The following GPR55 variants were observed in gnomAD, a reference collection of about 807,000 sequenced individuals.
GPR55 encodes the protein G-protein coupled receptor 55.
GPR55 carries 6 observed loss-of-function variants against 7.9 expected under a neutral mutation model. That is an observed-to-expected ratio of 0.76 (90% CI 0.41 to 1.49). The LOEUF is 1.49. GPR55 is among the 40% of genes most tolerant of loss of function. The probability of loss-of-function intolerance (pLI) is 0.01; values close to 1 mark genes in which losing one functional copy is unlikely to be tolerated. For missense variants in GPR55, 376 were observed against 406.0 expected (o/e 0.93, Z 0.63); for synonymous variants, 183 against 166.8 (o/e 1.10, Z -0.75).
chr2:230,916,667 G>T (rs1412517932), intron 1 of GPR55, among the ~76,000 whole-genome samples: 1 of 152,096 alleles, frequency 6.6e-6, no homozygotes, highest in East Asian at 1.9e-4. Flanking sequence ...CTGGGGTGAA[G>T]CAAAAGGCTC....
intron 1 of GPR55, among the ~76,000 whole-genome samples, chr2:230,933,978 C>T (rs1310754145): frequency 6.6e-6 from 1 of 152,202 alleles, no homozygotes; most frequent in African/African-American, 2.4e-5. Context: ...CGGTGACCAC[C>T]CCAGAGGTGC....
chr2:230,927,443 C>T (rs2125059915), upstream of GPR55, among the ~76,000 whole-genome samples: 1 of 152,374 alleles, frequency 6.6e-6, no homozygotes, highest in Non-Finnish European at 1.5e-5. Context: ...CGTCCTAAGG[C>T]TCAGGCCTGT....
intron 1 of GPR55, among the ~76,000 whole-genome samples, chr2:230,951,349 G>A (rs946456292): frequency 5.9e-5 from 9 of 152,206 alleles, no homozygotes; most frequent in African/African-American, 1.4e-4. Flanking sequence ...GATTGTTGTC[G>A]TGGTGGTGTG....
intron 1 of GPR55, among the ~76,000 whole-genome samples, chr2:230,921,899 T>G (rs987566849): frequency 2.0e-5 from 3 of 152,154 alleles, no homozygotes. Flanking sequence ...AGGTCATCCA[T>G]CCTCCAGTGA....
At chr2:230,956,244 G>A (rs1207935966) in intron 1 of GPR55, among the ~76,000 whole-genome samples, 2 of 151,828 alleles carry the variant, frequency 1.3e-5, no homozygotes, top group Admixed American at 6.6e-5. Flanking sequence ...AGCTCACTGC[G>A]ACCTCTGCCT....
intron 1 of GPR55, among the ~76,000 whole-genome samples, chr2:230,934,591 G>A (rs1282870227): frequency 6.6e-6 from 1 of 152,192 alleles, no homozygotes; most frequent in Admixed American, 6.5e-5. Flanking sequence ...CCTCCCCGGG[G>A]CCCACTCCAT....
chr2:230,960,510 T>C (rs527331894), intron 1 of GPR55, among the ~76,000 whole-genome samples: 2 of 152,070 alleles, frequency 1.3e-5, no homozygotes, highest in African/African-American at 4.8e-5. Context: ...AAAAAATACC[T>C]TGGGAAGGAG....
chr2:230,946,843 C>A (rs929700015), intron 1 of GPR55, among the ~76,000 whole-genome samples: 2 of 152,210 alleles, frequency 1.3e-5, no homozygotes, highest in African/African-American at 4.8e-5. Context: ...GGGGCCAGGG[C>A]AAGGCAGCTG....
chr2:230,926,303 G>T (rs528521749), upstream of GPR55, among the ~76,000 whole-genome samples: 1 of 152,240 alleles, frequency 6.6e-6, no homozygotes, highest in African/African-American at 2.4e-5. Flanking sequence ...ACCTGGGCTT[G>T]TGCGATGGGC....
chr2:230,945,836 G>T (rs1172612824), intron 1 of GPR55, among the ~76,000 whole-genome samples: 1 of 152,230 alleles, frequency 6.6e-6, no homozygotes, highest in Non-Finnish European at 1.5e-5. Context: ...CTCCCAAAGT[G>T]CTGGGATTAC....
At chr2:230,921,629 G>A (rs1334311772) in intron 1 of GPR55, among the ~76,000 whole-genome samples, 1 of 152,142 alleles carries the variant, frequency 6.6e-6, no homozygotes, top group East Asian at 1.9e-4. Context: ...AAACACAAAC[G>A]CAGTCACCAC....
chr2:230,911,837 C>T (rs1316775481), intron 1 of GPR55, among the ~76,000 whole-genome samples: 1 of 152,064 alleles, frequency 6.6e-6, no homozygotes, highest in Non-Finnish European at 1.5e-5. Context: ...GCCTCAGGGA[C>T]GGGAGGACCA....
rs140159260 is a variant in GPR55 at position 230,944,426 on chromosome 2, C to G, written c.-135+16349G>C. ...AAGTGTGGAAGGGAAGGGGAGAAAG[C>G]CTGTGGAGGGAGGTGGAGGAGCCGT... On this transcript the variant is annotated intron_variant, in intron 1 of 1. Transcript: ENST00000392039. This position sits in a 1 kb window ranked among gnomAD's most constrained non-coding sequence, Gnocchi z 4.2. Among the ~76,000 whole-genome samples the G allele has an allele frequency of 3.0e-3, 453 of 152,274 alleles. No individual in the cohort carries two copies. The highest frequency in any genetic ancestry group is 5.0e-3 in the Non-Finnish European group (343 of 68,028).
chr2:230,910,114 C>T lies in GPR55; in HGVS notation c.849G>A (p.Leu283=). The T allele has an allele frequency of 1.2e-6, 2 of 1,614,144 alleles. No homozygotes were observed. Among genetic ancestry groups the T allele is most frequent in the Non-Finnish European group, 1.7e-6 (2 of 1,180,010 alleles). ...SMCFSNVNCC[L]DVFCYYFVIK... ...TGACAAAGTAGTAGCAGAAAACATC[C>T]AGGCAGCAGTTGACGTTGGAGAAAC... Residue 283 remains leucine (L), a synonymous_variant, in exon 2 of 2, where the codon CTG becomes CTA. Transcript: ENST00000650999. The surrounding 1 kb of genome is among the most constrained non-coding windows in gnomAD (Gnocchi z 5.4).
exon 1 of GPR55, chr2:230,960,967 G>C (rs1691557629): frequency 6.6e-6 from 1 of 152,196 alleles, no homozygotes; most frequent in African/African-American, 2.4e-5. Flanking sequence ...TGTGAAGACA[G>C]GAGAAAAATC....
At position 230,909,822 on chromosome 2, in the gene GPR55, G is replaced by A. The variant is rs1165555545; in HGVS notation, c.*181C>T. On this transcript the variant is annotated 3_prime_UTR_variant, in exon 2 of 2. Transcript: ENST00000650999. ...GAACACTGGGTGGTATAAGCTGTCTGGGCAGTGGAAAAAAGGTCTTTGGGG... is the reference window on the plus strand; with the variant it reads ...GAACACTGGGTGGTATAAGCTGTCTAGGCAGTGGAAAAAAGGTCTTTGGGG... 9 of 628,060 alleles carry A rather than the reference G, an allele frequency of 1.4e-5. No homozygotes were observed. Among genetic ancestry groups the A allele is most frequent in the Admixed American group, 8.7e-5 (3 of 34,348 alleles). The allele number at this position is 628,060 out of a possible 1,614,324, so 38.9% of individuals were successfully genotyped here.
Position 230,910,339 on chromosome 2 carries a change from C to G in GPR55, c.624G>C (p.Leu208=). 1 of 1,613,988 alleles carries G rather than the reference C, an allele frequency of 6.2e-7. No individual in the cohort carries two copies. The highest frequency in any genetic ancestry group is 8.5e-7 in the Non-Finnish European group (1 of 1,179,956). Residue 208 remains leucine, a synonymous_variant, in exon 2 of 2, where the codon CTG becomes CTC. Coordinates refer to ENST00000650999, the MANE Select transcript of GPR55 (RefSeq NM_005683.4). This position sits in a 1 kb window ranked among gnomAD's most constrained non-coding sequence, Gnocchi z 5.4. ...GFCCSRSIHI[L]LGRRDHTQDW... ...CCTGGGTGTGGTCTCGGCGGCCCAG[C>G]AGGATGTGGATGCTCCTGGAGCAGC...
In GPR55 at chr2:230,910,989, A is replaced by T; in HGVS notation, c.-27T>A. On this transcript the variant is annotated 5_prime_UTR_variant, in exon 2 of 2. Transcript: ENST00000650999. The surrounding 1 kb of genome is among the most constrained non-coding windows in gnomAD (Gnocchi z 5.4). ...TTTCTTCCTACAACACCAACAGATC[A>T]GACGGGGCTCCTTTCACTCTCTTGA... The T allele has an allele frequency of 6.4e-7, 1 of 1,567,084 alleles. No homozygotes were observed. The highest frequency in any genetic ancestry group is 8.7e-7 in the Non-Finnish European group (1 of 1,152,380).
chr2:230,927,366 G>T (rs1039420622), upstream of GPR55, among the ~76,000 whole-genome samples: 4 of 152,278 alleles, frequency 2.6e-5, no homozygotes, highest in Non-Finnish European at 5.9e-5. Context: ...GCCAAGATAC[G>T]TCTCCAGAGA....
Sources: gnomAD v4.1 joint callset for allele counts (sites outside exome capture counted in the v4.1 genomes callset) on GRCh38, gnomAD v4.1.1 for gene constraint, Gnocchi (gnomAD v3.1) non-coding constraint, MANE v1.5 for transcripts, NCBI Gene and HGNC (gene_info 2026-07-23, HGNC 2026-07-21) for gene names.